The following FMNL2 variants were observed in gnomAD, a reference collection of about 807,000 sequenced individuals.
FMNL2 encodes formin-like protein 2.
A neutral mutation model predicts 130.2 loss-of-function variants in FMNL2; 51 were observed. The ratio of observed to expected loss-of-function variants is 0.39; its 90% confidence interval spans 0.31 to 0.49. The LOEUF is 0.49. FMNL2 is among the 20% of genes least tolerant of loss of function. FMNL2 has a pLI of 0.85. For synonymous variants in FMNL2, 465 were observed against 467.1 expected (o/e 1.00, Z 0.06); for missense variants, 977 against 1,316.2 (o/e 0.74, Z 3.99).
At chr2:152,565,558 T>C (rs528665808) in intron 6 of FMNL2, among the ~76,000 whole-genome samples, 6 of 152,334 alleles carry the variant, frequency 3.9e-5, no homozygotes, top group East Asian at 3.9e-4. Flanking sequence ...AAAATAATTA[T>C]ATAATCCCGC....
chr2:152,570,793 G>A (rs770130240), intron 6 of FMNL2, among the ~76,000 whole-genome samples: 112 of 152,278 alleles, frequency 7.4e-4, no homozygotes, highest in Non-Finnish European at 1.3e-3. Flanking sequence ...GGTTGGAAAA[G>A]TTACACTTCA....
At chr2:152,517,053 A>G (rs947993098) in intron 1 of FMNL2, among the ~76,000 whole-genome samples, 28 of 152,210 alleles carry the variant, frequency 1.8e-4, no homozygotes, top group African/African-American at 6.8e-4. Context: ...ATAGATACCA[A>G]TCTGAATTAA....
At chr2:152,456,806 G>A (rs192615299) in intron 1 of FMNL2, among the ~76,000 whole-genome samples, 37 of 151,816 alleles carry the variant, frequency 2.4e-4, no homozygotes, top group Non-Finnish European at 3.8e-4. Flanking sequence ...TTAACCAGGC[G>A]TGGCACCTGT....
chr2:152,422,577 T>A (rs1298440139), intron 1 of FMNL2, among the ~76,000 whole-genome samples: 2 of 152,246 alleles, frequency 1.3e-5, no homozygotes, highest in Admixed American at 1.3e-4. Flanking sequence ...CAAGCTGAAG[T>A]GTAATGACAC....
chr2:152,617,574 C>A (rs146355442), intron 13 of FMNL2, among the ~76,000 whole-genome samples: 1 of 152,222 alleles, frequency 6.6e-6, no homozygotes, highest in East Asian at 1.9e-4. Flanking sequence ...TTTTGCTTTG[C>A]TTCCACTCAA....
chr2:152,337,086 C>G (rs1383749980), intron 1 of FMNL2, among the ~76,000 whole-genome samples: 1 of 152,152 alleles, frequency 6.6e-6, no homozygotes, highest in African/African-American at 2.4e-5. Flanking sequence ...ACTGAGCTCT[C>G]TCTCCCGCCA....
intron 1 of FMNL2, among the ~76,000 whole-genome samples, chr2:152,474,111 A>G (rs897225247): frequency 6.6e-6 from 1 of 152,096 alleles, no homozygotes; most frequent in African/African-American, 2.4e-5. Context: ...TCCTGGCCTC[A>G]AGTGATCTGC....
intron 1 of FMNL2, among the ~76,000 whole-genome samples, chr2:152,447,979 TAATACTTAACTGTAATTTGATAGAG>T (rs1412449818): frequency 1.3e-5 from 2 of 152,218 alleles, no homozygotes; most frequent in African/African-American, 4.8e-5. Flanking sequence ...CTTTAGTTTT[TAATACTTAACTGTAATTTGATAGAG>T]AATAAATTTT....
intron 1 of FMNL2, among the ~76,000 whole-genome samples, chr2:152,365,980 C>T (rs984879723): frequency 6.6e-6 from 1 of 152,062 alleles, no homozygotes; most frequent in Non-Finnish European, 1.5e-5. Context: ...TACGTATACC[C>T]ATGTAAAAAT....
rs74505357 is a variant in FMNL2, at chr2:152,568,920, G to A, written c.597-6216G>A. On this transcript the variant is annotated intron_variant, in intron 6 of 25. Transcript: ENST00000288670. ...CAGATATAAATCTCTGAGTAAATCC[G>A]GTGTTTGATTTCTTCTAGCTTTTTA... 2.2e-3 allele frequency among the ~76,000 whole-genome samples: 342 copies of A among 152,088 alleles called. 2 individuals are homozygous for A. The highest frequency in any genetic ancestry group is 7.8e-3 in the African/African-American group (325 of 41,506).
At chr2:152,582,874 A>G (rs1696870911) in intron 9 of FMNL2, among the ~76,000 whole-genome samples, 1 of 152,212 alleles carries the variant, frequency 6.6e-6, no homozygotes, top group Admixed American at 6.5e-5. Context: ...GACTCATATT[A>G]TAACAGGAAT....
intron 9 of FMNL2, among the ~76,000 whole-genome samples, chr2:152,584,337 A>G (rs1451311026): frequency 6.6e-6 from 1 of 152,198 alleles, no homozygotes. Context: ...AGGAGGACCA[A>G]AGAAGAGTCT....
At chr2:152,576,132 G>A (rs1334478670) in intron 7 of FMNL2, among the ~76,000 whole-genome samples, 2 of 152,132 alleles carry the variant, frequency 1.3e-5, no homozygotes, top group Non-Finnish European at 2.9e-5. Flanking sequence ...TGCTACAGTG[G>A]GTCCAAGTAG....
chr2:152,579,050 A>C, intron 8 of FMNL2, 86 bp downstream of exon 8: 1 of 1,071,420 alleles, frequency 9.3e-7, no homozygotes, highest in Non-Finnish European at 1.4e-6. Flanking sequence ...TGACTTTGGA[A>C]ACTTTCAAGT....
chr2:152,374,830 C>T (rs909712333), intron 1 of FMNL2, among the ~76,000 whole-genome samples: 2 of 152,196 alleles, frequency 1.3e-5, no homozygotes, highest in South Asian at 4.1e-4. Context: ...CACTCTCCAT[C>T]CTGCTCACCC....
chr2:152,373,732 A>C (rs1684016195), intron 1 of FMNL2, among the ~76,000 whole-genome samples: 1 of 150,832 alleles, frequency 6.6e-6, no homozygotes, highest in Admixed American at 6.6e-5. Context: ...TTTTTTCCTG[A>C]ATATTTTGTA....
intron 1 of FMNL2, among the ~76,000 whole-genome samples, chr2:152,503,758 C>G (rs1266371691): frequency 6.6e-6 from 1 of 152,086 alleles, no homozygotes; most frequent in Non-Finnish European, 1.5e-5. Flanking sequence ...GATGGGAGTT[C>G]TTTACTAAGG....
At chr2:152,390,890 T>C (rs1255107334) in intron 1 of FMNL2, among the ~76,000 whole-genome samples, 3 of 152,204 alleles carry the variant, frequency 2.0e-5, no homozygotes, top group African/African-American at 7.2e-5. Context: ...TCATTTGTGA[T>C]GCCAAATTGT....
intron 1 of FMNL2, among the ~76,000 whole-genome samples, chr2:152,366,487 C>CAAA (rs555583991): frequency 0.082 from 11,466 of 139,154 alleles, 912 homozygotes; most frequent in African/African-American, 0.22. Context: ...ACAACAACAA[C>CAAA]AAAAAGAATG....
Sources: gnomAD v4.1 joint callset for allele counts (sites outside exome capture counted in the v4.1 genomes callset) on GRCh38, gnomAD v4.1.1 for gene constraint, MANE v1.5 for transcripts, NCBI Gene and HGNC (gene_info 2026-07-23, HGNC 2026-07-21) for gene names.